PCDHA6: variants seen among roughly 807,000 people sequenced by gnomAD.
PCDHA6 encodes protocadherin alpha 6.
A neutral mutation model predicts 60.3 loss-of-function variants in PCDHA6; 55 were observed. The observed-to-expected ratio is 0.91, with a 90% CI of 0.73 to 1.14. The LOEUF (loss-of-function observed/expected upper bound fraction) is 1.14. PCDHA6 is among the 50% of genes most tolerant of loss of function. PCDHA6 has a pLI of 0.00. For synonymous variants in PCDHA6, 652 were observed against 557.9 expected (o/e 1.17, Z -2.38); for missense variants, 1,327 against 1,256.5 (o/e 1.06, Z -0.85).
At chr5:140,871,297 G>T (rs781824958) in intron 1 of PCDHA6, 1 of 1,613,896 alleles carries the variant, frequency 6.2e-7, no homozygotes, top group Non-Finnish European at 8.5e-7. Flanking sequence ...GGGCGCGTGC[G>T]CGCCGGGGAA....
chr5:140,866,116 T>C (rs1232986434), intron 1 of PCDHA6: 2 of 152,196 alleles, frequency 1.3e-5, no homozygotes, highest in Non-Finnish European at 2.9e-5. Flanking sequence ...AGTTGCCTTA[T>C]AAGAACTACG....
At chr5:140,984,408 T>G (rs1394037702) in intron 3 of PCDHA6, among the ~76,000 whole-genome samples, 2 of 152,200 alleles carry the variant, frequency 1.3e-5, no homozygotes, top group African/African-American at 2.4e-5. Flanking sequence ...AACCTATCTT[T>G]TTTACAGAGA....
Position 140,828,967 on chromosome 5 carries a change from C to G in PCDHA6, c.876C>G (p.His292Gln), listed in dbSNP as rs1203175896. 4.3e-6 allele frequency: 7 copies of G among 1,614,068 alleles called. No individual in the cohort carries two copies. Among genetic ancestry groups the G allele is most frequent in the Non-Finnish European group, 5.9e-6 (7 of 1,180,042 alleles). ...NSLVAAMVID[H>Q]FSIDRNTGEI... ...TTGTTGCAGCCATGGTTATTGACCA[C>G]TTTAGCATAGATCGAAATACGGGAG... Residue 292 changes from histidine to glutamine, a missense_variant, in exon 1 of 4, where the codon CAC (histidine) becomes CAG (glutamine). Coordinates refer to ENST00000529310, the MANE Select transcript of PCDHA6 (RefSeq NM_018909.4).
intron 1 of PCDHA6, chr5:140,930,208 A>C (rs939593947): frequency 6.6e-6 from 1 of 152,220 alleles, no homozygotes; most frequent in African/African-American, 2.4e-5. Flanking sequence ...AGAAATATTT[A>C]TGTGTTCAAA....
chr5:140,855,802 G>A (rs1329894390), intron 1 of PCDHA6: 2 of 477,954 alleles, frequency 4.2e-6, no homozygotes, highest in East Asian at 6.4e-5. Flanking sequence ...ACATATGAAT[G>A]AAAGAAAAGT....
At chr5:140,870,839 T>C (rs1358609489) in intron 1 of PCDHA6, 3 of 1,613,690 alleles carry the variant, frequency 1.9e-6, no homozygotes, top group South Asian at 1.1e-5. Flanking sequence ...GTTAACAAGC[T>C]AGTACCGCGG....
chr5:140,869,327 T>A, intron 1 of PCDHA6: 1 of 1,613,922 alleles, frequency 6.2e-7, no homozygotes, highest in Middle Eastern at 1.7e-4. Context: ...GGGGACCTTC[T>A]GGAGGTAAAT....
At chr5:140,978,763 A>G (rs932766044) in intron 1 of PCDHA6, among the ~76,000 whole-genome samples, 186 bp from the exon 2 acceptor site, 11 of 152,258 alleles carry the variant, frequency 7.2e-5, no homozygotes, top group Non-Finnish European at 1.3e-4. Flanking sequence ...GAGGACCCTG[A>G]TGAACTAATT....
chr5:140,966,938 G>T, intron 1 of PCDHA6: 1 of 1,604,146 alleles, frequency 6.2e-7, no homozygotes, highest in African/African-American at 1.3e-5. Flanking sequence ...CGGCGCGCTC[G>T]TGGGCAACGT....
chr5:140,857,868 C>T (rs782242383), intron 1 of PCDHA6: 2 of 1,597,584 alleles, frequency 1.3e-6, no homozygotes, highest in South Asian at 1.1e-5. Flanking sequence ...GCGTGGCTGT[C>T]GTATGAATTG....
intron 1 of PCDHA6, among the ~76,000 whole-genome samples, chr5:140,936,829 CTA>C (rs1370139349): frequency 5.9e-5 from 9 of 152,026 alleles, no homozygotes; most frequent in African/African-American, 1.7e-4. Flanking sequence ...CTTTGCATTT[CTA>C]TATAAATTGT....
rs782167817 is a variant in PCDHA6 at position 140,875,512 on chromosome 5, C to G, written c.2394+45027C>G. Reference sequence around the variant, plus strand: ...ACCAAGAGGCCCGGGATCCCAGCGTCTGCTGCTCTCGCTTCTGCTCCTTGC... The same window carrying G: ...ACCAAGAGGCCCGGGATCCCAGCGTGTGCTGCTCTCGCTTCTGCTCCTTGC... On this transcript the variant is annotated intron_variant, in intron 1 of 3. Coordinates refer to ENST00000529310, the MANE Select transcript of PCDHA6 (RefSeq NM_018909.4). 3 of 1,613,928 alleles carry G rather than the reference C, an allele frequency of 1.9e-6. No individual in the cohort carries two copies. The East Asian group carries it at 6.7e-5, about 36-fold the overall frequency.
intron 1 of PCDHA6, chr5:140,857,033 A>G (rs1303154996): frequency 4.4e-6 from 7 of 1,595,572 alleles, no homozygotes; most frequent in South Asian, 1.1e-5. Flanking sequence ...AAACCCACCT[A>G]TGGTTGGTCA....
At chr5:140,861,658 G>C (rs913348410) in intron 1 of PCDHA6, 1 of 269,114 alleles carries the variant, frequency 3.7e-6, no homozygotes, top group Non-Finnish European at 7.4e-6. Flanking sequence ...TTTCTGAAAC[G>C]AGAGCTCTTG....
chr5:140,997,614 A>T (rs1355709943), intron 3 of PCDHA6, among the ~76,000 whole-genome samples: 2 of 152,148 alleles, frequency 1.3e-5, no homozygotes, highest in African/African-American at 4.8e-5. Context: ...GCATGACTAT[A>T]TAGAGATTTT....
At position 140,967,566 on chromosome 5, in the gene PCDHA6, G is replaced by T. The variant is rs1586227015; in HGVS notation, c.2395-11383G>T. The stretch of plus-strand genomic sequence containing the variant: ...CAGTCCACTTATCGCGTCCAGCTAC[G>T]GGAGGACTCACCCCCAGGCACATTG... On this transcript the variant is annotated intron_variant, in intron 1 of 3. Coordinates refer to ENST00000529310, the MANE Select transcript of PCDHA6 (RefSeq NM_018909.4). 6 of 1,614,060 alleles carry T rather than the reference G, an allele frequency of 3.7e-6. No homozygotes were observed. In the East Asian group the frequency reaches 1.3e-4, roughly 36 times the overall value.
rs2150170147 is a variant in PCDHA6 at position 140,829,565 on chromosome 5, T to C, written c.1474T>C (p.Tyr492His). 7 of 1,612,526 alleles carry C rather than the reference T, an allele frequency of 4.3e-6. No individual in the cohort carries two copies. Among genetic ancestry groups the C allele is most frequent in the Non-Finnish European group, 5.9e-6 (7 of 1,179,826 alleles). Reference protein sequence around the residue: ...ADAQENALVSYSLVERRVGER... With the variant: ...ADAQENALVSHSLVERRVGER... The stretch of plus-strand genomic sequence containing the variant: ...CGCGCAGGAGAACGCGCTGGTGTCC[T>C]ACTCGCTGGTGGAGCGGCGGGTGGG... Residue 492 changes from tyrosine to histidine, a missense_variant, in exon 1 of 4, where the codon TAC becomes CAC. Physicochemically the swap from Tyr to His is moderately conservative, Grantham distance 83 (BLOSUM62 2). Transcript: ENST00000529310.
At chr5:140,915,682 G>A (rs1239251164) in intron 1 of PCDHA6, among the ~76,000 whole-genome samples, 1 of 151,322 alleles carries the variant, frequency 6.6e-6, no homozygotes, top group Admixed American at 6.6e-5. Context: ...CTTGAACTAG[G>A]GGTATGGTGA....
At chr5:140,869,484 C>T (rs782167038) in intron 1 of PCDHA6, 2 of 1,613,948 alleles carry the variant, frequency 1.2e-6, no homozygotes, top group South Asian at 2.2e-5. Flanking sequence ...AGGACATTAA[C>T]GACAACCCGC....
Sources: allele counts gnomAD v4.1 joint callset (sites outside exome capture counted in the v4.1 genomes callset), GRCh38; gene constraint gnomAD v4.1.1; transcripts MANE v1.5; gene names NCBI Gene and HGNC (gene_info 2026-07-23, HGNC 2026-07-21).